COL6A5: variants seen among roughly 807,000 people sequenced by gnomAD.
The protein encoded by COL6A5 is collagen type VI alpha 5 chain, also known as collagen alpha-5(VI) chain.
COL6A5 carries 48 observed loss-of-function variants against 65.6 expected under a neutral mutation model. That is an observed-to-expected ratio of 0.73 (90% confidence interval 0.58 to 0.93). COL6A5 has a LOEUF of 0.93. COL6A5 is among the 40% of genes least tolerant of loss of function. The pLI is 0.00. For missense variants in COL6A5, 914 were observed against 928.3 expected (o/e 0.98, Z 0.20); for synonymous variants, 291 against 322.8 (o/e 0.90, Z 1.05).
intron 1 of COL6A5, among the ~76,000 whole-genome samples, chr3:130,355,314 A>C (rs1934883889): frequency 6.6e-6 from 1 of 152,092 alleles, no homozygotes; most frequent in South Asian, 2.1e-4. Flanking sequence ...AATCCCTAAA[A>C]TTTAAAAGAT....
At chr3:130,468,502 A>G (rs1387802151) in intron 5 of COL6A5, among the ~76,000 whole-genome samples, 1 of 152,082 alleles carries the variant, frequency 6.6e-6, no homozygotes, top group African/African-American at 2.4e-5. Context: ...CTCAACTTGC[A>G]TATTAAAATA....
exon 10 of COL6A5, chr3:130,398,073 TA>T: frequency 6.4e-7 from 1 of 1,550,796 alleles, no homozygotes; most frequent in East Asian, 2.4e-5. Context: ...GAAAGCAACA[TA>T]ATGCTTGAAA....
chr3:130,380,581 TC>T (rs1935963824), intron 4 of COL6A5, among the ~76,000 whole-genome samples: 2 of 152,154 alleles, frequency 1.3e-5, no homozygotes, highest in South Asian at 4.1e-4. Context: ...CTGGAAATGT[TC>T]TTTATCTGCA....
At chr3:130,359,746 G>C (rs1232950322) in intron 1 of COL6A5, among the ~76,000 whole-genome samples, 1 of 152,016 alleles carries the variant, frequency 6.6e-6, no homozygotes, top group Admixed American at 6.6e-5. Context: ...ATTTTCTGTG[G>C]CTGCTTTTGG....
chr3:130,361,188 A>G (rs1478902551), intron 1 of COL6A5, among the ~76,000 whole-genome samples: 2 of 152,248 alleles, frequency 1.3e-5, no homozygotes, highest in East Asian at 1.9e-4. Context: ...TGTATCCATT[A>G]TGATAGGATC....
intron 1 of COL6A5, among the ~76,000 whole-genome samples, chr3:130,361,429 T>C (rs982016086): frequency 4.6e-5 from 7 of 152,062 alleles, no homozygotes; most frequent in Admixed American, 1.3e-4. Flanking sequence ...TTCATTTTAG[T>C]CCTAAATAAT....
At chr3:130,398,741 T>C (rs1009947199) in intron 10 of COL6A5, among the ~76,000 whole-genome samples, 1 of 152,192 alleles carries the variant, frequency 6.6e-6, no homozygotes, top group African/African-American at 2.4e-5. Flanking sequence ...AACTATGATA[T>C]AGGGATACAA....
chr3:130,352,282 T>A (rs147720453), intron 1 of COL6A5, among the ~76,000 whole-genome samples: 9 of 152,034 alleles, frequency 5.9e-5, no homozygotes, highest in Non-Finnish European at 1.0e-4. Context: ...ATTGTGCACA[T>A]GTACCCTAGA....
intron 7 of COL6A5, among the ~76,000 whole-genome samples, chr3:130,471,363 G>A (rs1709948994): frequency 6.6e-6 from 1 of 151,996 alleles, no homozygotes; most frequent in Non-Finnish European, 1.5e-5. Context: ...TGGCCATTTA[G>A]AAAGCAAAAC....
At chr3:130,387,518 A>C (rs1936235939) in intron 5 of COL6A5, among the ~76,000 whole-genome samples, 2 of 152,070 alleles carry the variant, frequency 1.3e-5, no homozygotes, top group South Asian at 4.1e-4. Context: ...ATCTTCAGCA[A>C]TTTCTCCTCT....
chr3:130,471,829 G>A (rs375266034), intron 7 of COL6A5: 3 of 1,534,932 alleles, frequency 2.0e-6, no homozygotes, highest in East Asian at 2.4e-5. Context: ...AGTTATATCT[G>A]CTCTTTTCAA....
At chr3:130,438,287 G>A (rs1294889369) in intron 1 of COL6A5, among the ~76,000 whole-genome samples, 1 of 152,250 alleles carries the variant, frequency 6.6e-6, no homozygotes, top group East Asian at 1.9e-4. Flanking sequence ...GAGTCACCAC[G>A]CCAGGCCAAG....
At chr3:130,435,817 A>G (rs370645718) in intron 1 of COL6A5, among the ~76,000 whole-genome samples, 6 of 152,274 alleles carry the variant, frequency 3.9e-5, no homozygotes, top group East Asian at 1.9e-4. Flanking sequence ...GTTGCTTATC[A>G]GTTCAAGAAG....
intron 19 of COL6A5, 100 bp from the exon 20 acceptor site, chr3:130,410,371 T>C: frequency 1.2e-6 from 1 of 831,066 alleles, no homozygotes; most frequent in Non-Finnish European, 2.0e-6. Context: ...GACATGTTTA[T>C]TCTGCCATTT....
intron 1 of COL6A5, among the ~76,000 whole-genome samples, chr3:130,362,332 T>A (rs55681039): frequency 8.9e-3 from 44 of 4,958 alleles, no homozygotes; most frequent in Middle Eastern, 0.17. Context: ...ATATATTTTT[T>A]TTTTTTTTTT....
intron 1 of COL6A5, among the ~76,000 whole-genome samples, chr3:130,435,791 C>A (rs1490646102): frequency 6.6e-6 from 1 of 152,064 alleles, no homozygotes; most frequent in Non-Finnish European, 1.5e-5. Flanking sequence ...ATTTTGTATC[C>A]TGAGATTTTG....
rs368723050 is a variant in COL6A5 at position 130,359,433 on chromosome 3, G to C, written c.-29+13452G>C. ...AAATTAGAAGAAAAATGAATATTTA[G>C]GTCAAAAATTGTTTATTTTTTTCTC... On this transcript the variant is annotated intron_variant and NMD_transcript_variant, in intron 1 of 41. Transcript: ENST00000312481. 2.5e-3 allele frequency among the ~76,000 whole-genome samples: 374 copies of C among 151,698 alleles called. 3 individuals are homozygous for C. Among genetic ancestry groups the C allele is most frequent in the African/African-American group, 8.0e-3 (331 of 41,378 alleles).
chr3:130,370,542 A>G (rs796526860), intron 1 of COL6A5, among the ~76,000 whole-genome samples: 14 of 152,324 alleles, frequency 9.2e-5, no homozygotes, highest in African/African-American at 3.4e-4. Context: ...CCAGGCATAT[A>G]TTACTTGCCA....
intron 1 of COL6A5, among the ~76,000 whole-genome samples, chr3:130,362,123 A>C (rs1387256570): frequency 2.0e-5 from 3 of 151,566 alleles, no homozygotes; most frequent in Non-Finnish European, 4.4e-5. Flanking sequence ...GTATTTCATA[A>C]GTCGTTGCCA....
Sources: allele counts gnomAD v4.1 joint callset (sites outside exome capture counted in the v4.1 genomes callset), GRCh38; gene constraint gnomAD v4.1.1; transcripts MANE v1.5; gene names NCBI Gene and HGNC (gene_info 2026-07-23, HGNC 2026-07-21).